The following ULK4 variants were observed in gnomAD, a reference collection of about 807,000 sequenced individuals.
The protein encoded by ULK4 is inactive serine/threonine-protein kinase ULK4.
ULK4 carries 133 observed loss-of-function variants against 160.6 expected under a neutral mutation model. The observed-to-expected ratio is 0.83, with a 90% confidence interval of 0.72 to 0.96. The LOEUF is 0.96. ULK4 is among the 40% of genes least tolerant of loss of function. ULK4 has a pLI of 0.00. For missense variants in ULK4, 1,580 were observed against 1,499.5 expected, an observed-to-expected ratio of 1.05 and a Z score of -0.89; for synonymous variants, 534 against 539.8, an observed-to-expected ratio of 0.99 and a Z score of 0.15.
intron 27 of ULK4, among the ~76,000 whole-genome samples, chr3:41,703,007 C>T (rs1481517912): frequency 2.6e-5 from 4 of 151,938 alleles, no homozygotes; most frequent in Non-Finnish European, 1.5e-5. Flanking sequence ...GCACACACCA[C>T]CATGCCCAGC....
intron 35 of ULK4, among the ~76,000 whole-genome samples, chr3:41,352,558 T>A (rs2080932686): frequency 6.6e-6 from 1 of 152,192 alleles, no homozygotes; most frequent in South Asian, 2.1e-4. Context: ...GCAATATCTC[T>A]TTCAGTTATG....
chr3:41,562,783 C>T lies in ULK4; in HGVS notation c.3226+3242G>A, dbSNP rs191561886. Among the ~76,000 whole-genome samples, 100 of 152,252 alleles carry T rather than the reference C, an allele frequency of 6.6e-4. No individual in the cohort carries two copies. The East Asian group carries it at 0.016, about 24-fold the overall frequency. ...GCATGTGAGATGAGTCTCCTGAACA[C>T]AGCACACTGATGGGTCTTGATTCTT... is the stretch of plus-strand genomic sequence containing the variant. On this transcript the variant is annotated intron_variant, in intron 32 of 36. Coordinates refer to ENST00000301831, the MANE Select transcript of ULK4 (RefSeq NM_017886.4).
At chr3:41,342,415 GC>G (rs1477607792) in intron 35 of ULK4, among the ~76,000 whole-genome samples, 1 of 152,086 alleles carries the variant, frequency 6.6e-6, no homozygotes, top group Admixed American at 6.6e-5. Flanking sequence ...TGATTTAGAG[GC>G]CTTTAATAAT....
At chr3:41,506,767 A>AAAAAAAAAATATATAT in intron 32 of ULK4, among the ~76,000 whole-genome samples, 2 of 56,766 alleles carry the variant, frequency 3.5e-5, no homozygotes, top group African/African-American at 1.6e-4. Context: ...TGTGATTTAA[A>AAAAAAAAAATATATAT]ATATATATAT....
chr3:41,643,899 G>T (rs1273484507), intron 30 of ULK4, among the ~76,000 whole-genome samples: 2 of 151,896 alleles, frequency 1.3e-5, no homozygotes, highest in Non-Finnish European at 2.9e-5. Context: ...CCTTGAAGAG[G>T]TCCTTCACAT....
intron 35 of ULK4, among the ~76,000 whole-genome samples, chr3:41,318,825 T>C (rs1010077182): frequency 6.6e-6 from 1 of 152,042 alleles, no homozygotes; most frequent in African/African-American, 2.4e-5. Flanking sequence ...GCAAAGAAAA[T>C]AGCTGTATTT....
chr3:41,874,028 A>C (rs1288024539), intron 17 of ULK4, among the ~76,000 whole-genome samples: 2 of 152,084 alleles, frequency 1.3e-5, no homozygotes, highest in Non-Finnish European at 2.9e-5. Context: ...AACTATAGGG[A>C]AAAATAAGTC....
intron 27 of ULK4, among the ~76,000 whole-genome samples, chr3:41,692,618 T>G (rs1266697764): frequency 6.6e-6 from 1 of 151,096 alleles, no homozygotes; most frequent in Admixed American, 6.6e-5. Flanking sequence ...ACCAGTGATC[T>G]CTATTATAAA....
chr3:41,460,914 C>T (rs28373359), intron 33 of ULK4, among the ~76,000 whole-genome samples: 44,635 of 151,942 alleles, frequency 0.29, 7,056 homozygotes, highest in African/African-American at 0.4. Context: ...CCCGAGGTTA[C>T]AGAGGTGGGG....
chr3:41,829,227 T>C (rs1247014940), intron 18 of ULK4, among the ~76,000 whole-genome samples: 2 of 148,546 alleles, frequency 1.3e-5, no homozygotes, highest in East Asian at 1.9e-4. Context: ...ATTCAGGACA[T>C]AGGCATGGGC....
intron 5 of ULK4, among the ~76,000 whole-genome samples, chr3:41,923,450 A>G (rs1160567791): frequency 2.0e-5 from 3 of 152,162 alleles, no homozygotes; most frequent in Non-Finnish European, 4.4e-5. Context: ...GTGAGCTGAG[A>G]TCACGCCACT....
intron 17 of ULK4, among the ~76,000 whole-genome samples, chr3:41,855,639 AC>A (rs2042317955): frequency 6.6e-6 from 1 of 152,240 alleles, no homozygotes; most frequent in Admixed American, 6.5e-5. Context: ...TTTACTTGTT[AC>A]TATACTATTA....
At chr3:41,748,906 C>T (rs1009071841) in intron 22 of ULK4, among the ~76,000 whole-genome samples, 2 of 152,158 alleles carry the variant, frequency 1.3e-5, no homozygotes, top group African/African-American at 4.8e-5. Context: ...TCCACAACTG[C>T]GTAGCCCTCC....
chr3:41,461,270 T>G (rs1559619736), intron 33 of ULK4, among the ~76,000 whole-genome samples: 1 of 152,190 alleles, frequency 6.6e-6, no homozygotes, highest in Non-Finnish European at 1.5e-5. Context: ...AAGCTCTTAT[T>G]AGAAATAGAT....
At chr3:41,422,053 G>T (rs1056528546) in intron 34 of ULK4, among the ~76,000 whole-genome samples, 2 of 151,862 alleles carry the variant, frequency 1.3e-5, no homozygotes, top group Non-Finnish European at 1.5e-5. Flanking sequence ...GCTTGTGAAA[G>T]AAATCTTAGC....
rs376294264 is a variant in ULK4, at chr3:41,912,857, T to C, written c.846A>G (p.Lys282=). The change falls in exon 9 of 37, where the codon AAA becomes AAG. Residue 282 remains lysine (K), a synonymous_variant. Coordinates refer to ENST00000301831, the MANE Select transcript of ULK4 (RefSeq NM_017886.4). ...ATTCCTGATCTGCTCCAGCAAAAGC[T>C]TTCTTCCAAAATGAATGCTGCAGTA... The part of the protein sequence containing the change: ...TRLLQHSFWK[K]AFAGADQESS... 47 of 1,614,120 alleles carry C rather than the reference T, an allele frequency of 2.9e-5. No homozygotes were observed. Among genetic ancestry groups the C allele is most frequent in the Non-Finnish European group, 3.8e-5 (45 of 1,180,006 alleles).
At chr3:41,385,624 A>T (rs1187968478) in intron 35 of ULK4, among the ~76,000 whole-genome samples, 1 of 152,230 alleles carries the variant, frequency 6.6e-6, no homozygotes, top group Non-Finnish European at 1.5e-5. Context: ...TTCACAAAGC[A>T]ATATCCTATG....
chr3:41,396,401 G>C (rs747656228), intron 35 of ULK4, among the ~76,000 whole-genome samples: 10 of 151,944 alleles, frequency 6.6e-5, no homozygotes, highest in Non-Finnish European at 1.3e-4. Flanking sequence ...AACCATATCA[G>C]ATATCAGACC....
chr3:41,692,681 A>G (rs1026540958), intron 27 of ULK4, among the ~76,000 whole-genome samples: 4 of 151,840 alleles, frequency 2.6e-5, no homozygotes, highest in Non-Finnish European at 5.9e-5. Context: ...GGAATAATCC[A>G]AGGAATTTTA....
Sources: gnomAD v4.1 joint callset for allele counts (sites outside exome capture counted in the v4.1 genomes callset) on GRCh38, gnomAD v4.1.1 for gene constraint, MANE v1.5 for transcripts, NCBI Gene and HGNC (gene_info 2026-07-23, HGNC 2026-07-21) for gene names.